Variants in BRAF observed in about 807,000 individuals in gnomAD.
BRAF encodes the protein serine/threonine-protein kinase B-raf.
A neutral mutation model predicts 104.6 loss-of-function variants in BRAF; 16 were observed. The ratio of observed to expected loss-of-function variants is 0.15; its 90% CI spans 0.10 to 0.23. The LOEUF is 0.23. BRAF is among the 10% of genes least tolerant of loss of function. BRAF has a pLI of 1.00. For missense variants in BRAF, 541 were observed against 937.3 expected, an observed-to-expected ratio of 0.58 and a Z score of 5.52; for synonymous variants, 310 against 341.6, an observed-to-expected ratio of 0.91 and a Z score of 1.02.
chr7:140,863,047 T>C (rs1810581034), intron 1 of BRAF, among the ~76,000 whole-genome samples: 1 of 152,174 alleles, frequency 6.6e-6, no homozygotes, highest in Non-Finnish European at 1.5e-5. Context: ...ATAGGAATCA[T>C]CCATCTGAAA....
chr7:140,787,086 G>A (rs1372515875), intron 9 of BRAF, among the ~76,000 whole-genome samples: 3 of 151,928 alleles, frequency 2.0e-5, no homozygotes, highest in Admixed American at 6.6e-5. Flanking sequence ...CGGATCACGA[G>A]GTCAGGAGAT....
rs527835644 is a variant in BRAF, at chr7:140,783,167, T to A, written c.1298-10A>T. ...AAACCTGTGGTTGATCCTAAATTAG[T>A]GAAAAGAAAAATGTATACATTAAGG... is the stretch of plus-strand genomic sequence containing the variant. On this transcript the variant is annotated splice_polypyrimidine_tract_variant and intron_variant, in intron 10 of 19. Transcript: ENST00000644969. The A allele has an allele frequency of 6.2e-7, 1 of 1,613,546 alleles. No homozygotes were observed. The highest frequency in any genetic ancestry group is 1.3e-5 in the African/African-American group (1 of 74,898).
intron 17 of BRAF, among the ~76,000 whole-genome samples, chr7:140,748,416 G>A (rs1443049946): frequency 6.6e-6 from 1 of 152,102 alleles, no homozygotes; most frequent in Non-Finnish European, 1.5e-5. Context: ...GCAGGTGATT[G>A]GACCCTCCCC....
intron 7 of BRAF, among the ~76,000 whole-genome samples, chr7:140,797,281 T>C (rs949802607): frequency 2.6e-4 from 39 of 152,208 alleles, no homozygotes. Flanking sequence ...ACATTTTAAA[T>C]GTTGACCTCT....
At chr7:140,888,999 A>C (rs1260438888) in intron 1 of BRAF, among the ~76,000 whole-genome samples, 2 of 152,114 alleles carry the variant, frequency 1.3e-5, no homozygotes, top group Non-Finnish European at 2.9e-5. Context: ...TACAATACAT[A>C]GTATTATTGC....
rs1586125584 is a variant in BRAF at position 140,777,863 on chromosome 7, C to T, written c.1637+128G>A. ...GGTTAAAGACAAAAATATACTCAGACATACTCTGTTTCTACAAATTTATTC... is the reference window on the plus strand; with the variant it reads ...GGTTAAAGACAAAAATATACTCAGATATACTCTGTTTCTACAAATTTATTC... On this transcript the variant is annotated intron_variant, in intron 13 of 19. Transcript: ENST00000644969. 19 of 929,006 alleles carry T rather than the reference C, an allele frequency of 2.0e-5. No homozygotes were observed. The East Asian group carries it at 4.2e-4, about 21-fold the overall frequency. The allele number at this position is 929,006 out of a possible 1,614,324, so 57.5% of individuals were successfully genotyped here.
intron 14 of BRAF, among the ~76,000 whole-genome samples, chr7:140,768,208 A>G (rs1016065636): frequency 6.6e-6 from 1 of 152,188 alleles, no homozygotes; most frequent in African/African-American, 2.4e-5. Context: ...ATTTATGTTT[A>G]CATTTTCTGA....
At chr7:140,741,768 GC>G (rs1796939986) in intron 17 of BRAF, 1 of 152,010 alleles carries the variant, frequency 6.6e-6, no homozygotes, top group Non-Finnish European at 1.5e-5. Context: ...GACCAGCCTG[GC>G]CAAGATGATG....
chr7:140,924,813 C>A lies in BRAF; in HGVS notation c.-110G>T, dbSNP rs1235449309. The A allele has an allele frequency of 1.0e-5, 4 of 382,912 alleles. No individual in the cohort carries two copies. In the South Asian group the frequency reaches 2.3e-4, roughly 22 times the overall value. 23.7% of individuals were successfully genotyped at this position (382,912 alleles called of 1,614,324 possible). On this transcript the variant is annotated 5_prime_UTR_variant, in exon 1 of 20. Transcript: ENST00000644969. The surrounding 1 kb of genome is among the most constrained non-coding windows in gnomAD (Gnocchi z 4.2). The stretch of plus-strand genomic sequence containing the variant: ...GAGGCGGAGGCGGAGGAGCGGGGGG[C>A]GCGGGGGGCGCGGGGAGGAGCGGCC...
chr7:140,714,444 T>A (rs968830548), downstream of BRAF, among the ~76,000 whole-genome samples: 6 of 152,170 alleles, frequency 3.9e-5, no homozygotes, highest in Non-Finnish European at 8.8e-5. Flanking sequence ...CCTAGCTCAC[T>A]GCAGCCTCAA....
At position 140,896,887 on chromosome 7, in the gene BRAF, TG is replaced by T. The variant is rs1166956200; in HGVS notation, c.138+27678del. The stretch of plus-strand genomic sequence containing the variant: ...TCAAAAAAAAAAAAAAAAAAAGGGG[TG>T]GGGGGGGAAGAGACCTATAAACAAA... On this transcript the variant is annotated intron_variant, in intron 1 of 19. Coordinates refer to ENST00000644969, the MANE Select transcript of BRAF (RefSeq NM_001374258.1). 5.9e-5 allele frequency among the ~76,000 whole-genome samples: 6 copies of T among 101,614 alleles called. No individual in the cohort carries two copies. The South Asian group carries it at 9.7e-4, about 16-fold the overall frequency. The allele number at this position is 101,614 out of a possible 152,430, so 66.7% of individuals were successfully genotyped here.
intron 1 of BRAF, among the ~76,000 whole-genome samples, chr7:140,854,977 G>C (rs1809614073): frequency 2.6e-5 from 4 of 152,002 alleles, no homozygotes; most frequent in Admixed American, 2.6e-4. Context: ...GATAATATTG[G>C]CTAGGTATAG....
chr7:140,915,334 T>TA (rs949647341), intron 1 of BRAF, among the ~76,000 whole-genome samples: 5 of 151,928 alleles, frequency 3.3e-5, no homozygotes, highest in Non-Finnish European at 5.9e-5. Context: ...AACTATAAAG[T>TA]AAAAATTTTC....
At chr7:140,732,164 C>CT (rs1221091266) in intron 19 of BRAF, 1 of 50,548 alleles carries the variant, frequency 2.0e-5, no homozygotes, top group African/African-American at 6.1e-5. Context: ...GAGCGAGACT[C>CT]TGTCTCAAAA....
chr7:140,783,352 C>A (rs1170079844), intron 10 of BRAF, 195 bp from the exon 10 acceptor site: 8 of 618,950 alleles, frequency 1.3e-5, no homozygotes, highest in Non-Finnish European at 1.1e-5. Flanking sequence ...AGTTTTCTGG[C>A]CAATTTAATG....
Position 140,720,647 on chromosome 7 carries a change from A to C in BRAF, c.*5847T>G, listed in dbSNP as rs1795275928. The C allele has an allele frequency of 9.4e-7, 1 of 1,065,390 alleles. No individual in the cohort carries two copies. Among genetic ancestry groups the C allele is most frequent in the Non-Finnish European group, 1.1e-6 (1 of 879,496 alleles). The allele number at this position is 1,065,390 out of a possible 1,614,324, so 66.0% of individuals were successfully genotyped here. ...CCCACCCTCACATTAATTTTTCCCTATCCTAGATTTACTGCCACCTCACCC... is the reference window on the plus strand; with the variant it reads ...CCCACCCTCACATTAATTTTTCCCTCTCCTAGATTTACTGCCACCTCACCC... On this transcript the variant is annotated 3_prime_UTR_variant, in exon 20 of 20. Transcript: ENST00000644969.
intron 19 of BRAF, among the ~76,000 whole-genome samples, chr7:140,728,910 A>C (rs941683958): frequency 5.3e-5 from 8 of 152,066 alleles, no homozygotes; most frequent in Admixed American, 3.9e-4. Flanking sequence ...TTAATATACT[A>C]CATTAAAAAA....
Position 140,720,757 on chromosome 7 carries a change from T to G in BRAF, c.*5737A>C, listed in dbSNP as rs1266230245. The stretch of plus-strand genomic sequence containing the variant: ...GTTTGCAGTGACTTCCAACTCATAC[T>G]CCACCAAAACACACGTGGGTTCAAA... On this transcript the variant is annotated 3_prime_UTR_variant, in exon 20 of 20. Coordinates refer to ENST00000644969, the MANE Select transcript of BRAF (RefSeq NM_001374258.1). 1 of 1,065,942 alleles carries G rather than the reference T, an allele frequency of 9.4e-7. No individual in the cohort carries two copies. Among genetic ancestry groups the G allele is most frequent in the African/African-American group, 1.6e-5 (1 of 61,102 alleles). 66.0% of individuals were successfully genotyped at this position (1,065,942 alleles called of 1,614,324 possible). A position where few individuals can be genotyped will look rare whatever the true frequency, so the allele number is the denominator to read the frequency against.
intron 14 of BRAF, among the ~76,000 whole-genome samples, chr7:140,762,759 C>G (rs1268445829): frequency 6.6e-6 from 1 of 152,088 alleles, no homozygotes; most frequent in African/African-American, 2.4e-5. Flanking sequence ...CTGCGGCCTT[C>G]CGCAGTGTTT....
Sources: gnomAD v4.1 joint callset for allele counts (sites outside exome capture counted in the v4.1 genomes callset) on GRCh38, gnomAD v4.1.1 for gene constraint, Gnocchi (gnomAD v3.1) non-coding constraint, MANE v1.5 for transcripts, NCBI Gene and HGNC (gene_info 2026-07-23, HGNC 2026-07-21) for gene names.